GAL3ST1: variants seen among roughly 807,000 people sequenced by gnomAD.
GAL3ST1 encodes galactose-3-O-sulfotransferase 1, also known as galactosylceramide sulfotransferase.
Under a neutral mutation model 25.0 loss-of-function variants are expected in GAL3ST1, and 13 were observed. The ratio of observed to expected loss-of-function variants is 0.52; its 90% CI spans 0.34 to 0.83. GAL3ST1 has a LOEUF of 0.83. Ranked by LOEUF, GAL3ST1 falls within the 40% of genes least tolerant of loss-of-function variation. The pLI, the probability that GAL3ST1 is intolerant of heterozygous loss-of-function variation, is 0.02. For missense variants in GAL3ST1, 474 were observed against 613.6 expected, an observed-to-expected ratio of 0.77 and a Z score of 2.40; for synonymous variants, 274 against 277.8, an observed-to-expected ratio of 0.99 and a Z score of 0.14.
intron 1 of GAL3ST1, among the ~76,000 whole-genome samples, chr22:30,563,668 C>A (rs1009151809): frequency 2.6e-5 from 4 of 151,734 alleles, no homozygotes; most frequent in African/African-American, 9.7e-5. Context: ...AATCCCAGCT[C>A]TTTGGGAGGC....
chr22:30,571,750 G>A (rs557252955), intron 1 of GAL3ST1, among the ~76,000 whole-genome samples: 10 of 152,240 alleles, frequency 6.6e-5, no homozygotes, highest in Middle Eastern at 3.4e-3. Context: ...TATAGTCCCA[G>A]CTACTCGGGA....
At chr22:30,556,237 G>T (rs1013277270) in intron 3 of GAL3ST1, 144 bp from the exon 4 acceptor site, 10 of 671,108 alleles carry the variant, frequency 1.5e-5, no homozygotes, top group Non-Finnish European at 2.5e-5. Context: ...TCCAGGCTGG[G>T]TGCCTGCGCG....
intron 3 of GAL3ST1, among the ~76,000 whole-genome samples, chr22:30,556,425 C>CA (rs2086031629): frequency 6.6e-6 from 1 of 152,106 alleles, no homozygotes; most frequent in Non-Finnish European, 1.5e-5. Flanking sequence ...TTTTATAGGA[C>CA]AAAAATGGTC....
intron 1 of GAL3ST1, among the ~76,000 whole-genome samples, chr22:30,561,870 C>A (rs1394301959): frequency 6.6e-6 from 1 of 152,122 alleles, no homozygotes; most frequent in Non-Finnish European, 1.5e-5. Context: ...AGGCATGAAG[C>A]TATGAACCTC....
At chr22:30,556,898 C>G (rs1278127504) in intron 3 of GAL3ST1, among the ~76,000 whole-genome samples, 1 of 152,166 alleles carries the variant, frequency 6.6e-6, no homozygotes, top group Non-Finnish European at 1.5e-5. Context: ...CCATGCCCAG[C>G]TAATTTTTGT....
chr22:30,562,871 C>A (rs372922574), intron 1 of GAL3ST1, among the ~76,000 whole-genome samples: 2 of 152,208 alleles, frequency 1.3e-5, no homozygotes, highest in South Asian at 4.1e-4. Flanking sequence ...AATCCCAGCA[C>A]TTTGGGAGGC....
rs111476418 is a variant in GAL3ST1 at position 30,554,820 on chromosome 22, C to T, written c.*133G>A. 8.7e-4 allele frequency: 573 copies of T among 656,274 alleles called. No individual in the cohort carries two copies. The African/African-American group carries it at 9.1e-3, about 10-fold the overall frequency. The allele number at this position is 656,274 out of a possible 1,614,324, so 40.7% of individuals were successfully genotyped here. A position where few individuals can be genotyped will look rare whatever the true frequency, so the allele number is the denominator to read the frequency against. On this transcript the variant is annotated 3_prime_UTR_variant, in exon 4 of 4. Coordinates refer to ENST00000406361, the MANE Select transcript of GAL3ST1 (RefSeq NM_001318104.2). ...CCCAGTCTTGGCTGGCTGCCTCCCC[C>T]CAGGGAGCCCCCCCTCACCCCGGGG...
chr22:30,571,759 G>T (rs1224208088), intron 1 of GAL3ST1, among the ~76,000 whole-genome samples: 1 of 152,220 alleles, frequency 6.6e-6, no homozygotes, highest in African/African-American at 2.4e-5. Flanking sequence ...AGCTACTCGG[G>T]AGGCTGAGGC....
chr22:30,571,923 C>T (rs2086797035), intron 1 of GAL3ST1, among the ~76,000 whole-genome samples: 1 of 152,204 alleles, frequency 6.6e-6, no homozygotes, highest in Non-Finnish European at 1.5e-5. Flanking sequence ...CACTCCCAGT[C>T]TCCTCTGCTA....
chr22:30,555,093 G>T lies in GAL3ST1; in HGVS notation c.1132C>A (p.Leu378Ile), dbSNP rs755543715. The T allele has an allele frequency of 6.2e-7, 1 of 1,612,628 alleles. No individual in the cohort carries two copies. The highest frequency in any genetic ancestry group is 1.1e-5 in the South Asian group (1 of 91,082). The change falls in exon 4 of 4, where the codon CTC becomes ATC. Residue 378 changes from leucine to isoleucine, a missense_variant. Leu to Ile is a conservative substitution (Grantham distance 5). Around this residue, in one of 2 missense-constraint regions of GAL3ST1, gnomAD observed 359 missense variants for 504.4 expected, o/e 0.71. Coordinates refer to ENST00000406361, the MANE Select transcript of GAL3ST1 (RefSeq NM_001318104.2). This position sits in a 1 kb window ranked among gnomAD's most constrained non-coding sequence, Gnocchi z 8.6. ...LGTKSILGYN[L>I]KKSIGQRHAQ... ...TGCCGCTGCCCGATGCTCTTCTTGA[G>T]GTTGTAGCCCAGGATGGACTTGGTG...
Position 30,555,141 on chromosome 22 carries a change from T to A in GAL3ST1, c.1084A>T (p.Met362Leu), listed in dbSNP as rs1437344161. Residue 362 changes from methionine (M) to leucine (L), a missense_variant, in exon 4 of 4, where the codon ATG becomes TTG. By Grantham distance (15) the Met-to-Leu change is conservative (BLOSUM62 2). Transcript: ENST00000406361. The surrounding 1 kb of genome is among the most constrained non-coding windows in gnomAD (Gnocchi z 8.6). ...GTGCCCAGCGGCTGCCAGGGCTGCA[T>A]GGCCTCGTCCTGGATGGCGGCGGCG... Reference protein sequence around the residue: ...VDAAAIQDEAMQPWQPLGTKS... With the variant: ...VDAAAIQDEALQPWQPLGTKS... 1 of 1,610,264 alleles carries A rather than the reference T, an allele frequency of 6.2e-7. No individual in the cohort carries two copies. The highest frequency in any genetic ancestry group is 8.5e-7 in the Non-Finnish European group (1 of 1,179,262).
In GAL3ST1 at chr22:30,555,382, G is replaced by T. The variant is rs762426923; in HGVS notation, c.843C>A (p.Arg281=). The T allele has an allele frequency of 1.9e-6, 3 of 1,608,636 alleles. No homozygotes were observed. Among genetic ancestry groups the T allele is most frequent in the South Asian group, 2.2e-5 (2 of 91,068 alleles). ...AGAGCCGCGGCACGGGCGAGTCGCGGCGGGCGTTGAGCTTGAAGTAGAGCA... is the reference window on the plus strand; with the variant it reads ...AGAGCCGCGGCACGGGCGAGTCGCGTCGGGCGTTGAGCTTGAAGTAGAGCA... ...EDVLYFKLNA[R]RDSPVPRLSG... is the part of the protein sequence containing the mutation. The change falls in exon 4 of 4, where the codon CGC becomes CGA. Residue 281 remains arginine, a synonymous_variant. Transcript: ENST00000406361. This position sits in a 1 kb window ranked among gnomAD's most constrained non-coding sequence, Gnocchi z 8.6.
intron 1 of GAL3ST1, among the ~76,000 whole-genome samples, chr22:30,570,202 C>T (rs1456861218): frequency 2.6e-5 from 4 of 152,130 alleles, no homozygotes; most frequent in Non-Finnish European, 5.9e-5. Context: ...GTGAGGTATC[C>T]CAGGGCTTTC....
chr22:30,573,191 G>C (rs537913685), intron 1 of GAL3ST1, among the ~76,000 whole-genome samples: 2 of 152,250 alleles, frequency 1.3e-5, no homozygotes, highest in East Asian at 1.9e-4. Context: ...AGGGAGGCGA[G>C]GGGGGGTGTC....
intron 3 of GAL3ST1, 138 bp from the exon 4 acceptor site, chr22:30,556,231 G>T: frequency 1.4e-6 from 1 of 708,056 alleles, no homozygotes; most frequent in Middle Eastern, 3.8e-4. Flanking sequence ...CCTGAGTCCA[G>T]GCTGGGTGCC....
At chr22:30,556,165 G>C in intron 3 of GAL3ST1, 72 bp from the exon 4 acceptor site, 2 of 1,243,458 alleles carry the variant, frequency 1.6e-6, no homozygotes, top group Non-Finnish European at 2.3e-6. Flanking sequence ...TAGTTAGAGA[G>C]GGAGATTATT....
intron 1 of GAL3ST1, chr22:30,572,827 C>T (rs902990656): frequency 2.0e-5 from 3 of 152,510 alleles, no homozygotes; most frequent in Non-Finnish European, 2.9e-5. Context: ...GCAAGGAGCC[C>T]TTCAGGAGCC....
intron 1 of GAL3ST1, among the ~76,000 whole-genome samples, chr22:30,561,939 G>A (rs893185141): frequency 1.3e-5 from 2 of 152,188 alleles, no homozygotes; most frequent in African/African-American, 4.8e-5. Flanking sequence ...GCAAGATCAA[G>A]GCACACAGAG....
At chr22:30,566,813 G>A (rs1046274981) in intron 1 of GAL3ST1, among the ~76,000 whole-genome samples, 5 of 152,028 alleles carry the variant, frequency 3.3e-5, no homozygotes, top group African/African-American at 1.2e-4. Context: ...GTTTCACCGT[G>A]TTAGCCAGGA....
Sources: gnomAD v4.1 joint callset for allele counts (sites outside exome capture counted in the v4.1 genomes callset) on GRCh38, gnomAD v4.1.1 for gene constraint, gnomAD v4.1.1 regional missense constraint, Gnocchi (gnomAD v3.1) non-coding constraint, MANE v1.5 for transcripts, NCBI Gene and HGNC (gene_info 2026-07-23, HGNC 2026-07-21) for gene names.